The following TMEM68 variants were observed in gnomAD, a reference collection of about 807,000 sequenced individuals.
The protein encoded by TMEM68 is DGAT1/2-independent enzyme synthesizing storage lipids.
Under a neutral mutation model 36.9 loss-of-function variants are expected in TMEM68, and 25 were observed. That is an observed-to-expected ratio of 0.68 (90% CI 0.49 to 0.95). TMEM68 has a LOEUF of 0.95. Ranked by LOEUF, TMEM68 falls within the 40% of genes least tolerant of loss-of-function variation. The probability of loss-of-function intolerance (pLI) is 0.00; values close to 1 mark genes in which losing one functional copy is unlikely to be tolerated. For synonymous variants in TMEM68, 131 were observed against 124.4 expected (o/e 1.05, Z -0.35); for missense variants, 333 against 392.0 (o/e 0.85, Z 1.27).
rs947298220 is a variant in TMEM68 at position 55,750,879 on chromosome 8, T to G, written c.687+85A>C. The G allele has an allele frequency of 6.6e-6, 9 of 1,355,250 alleles. No homozygotes were observed. In the African/African-American group the frequency reaches 1.3e-4, roughly 20 times the overall value. The allele number at this position is 1,355,250 out of a possible 1,614,324, so 84.0% of individuals were successfully genotyped here. On this transcript the variant is annotated intron_variant, in intron 5 of 7. Transcript: ENST00000434581. ...AGGTATTGCAGCGAAAGTGTCTAAG[T>G]TCTTATACAATTTGGCTCATTACTT...
At chr8:55,769,214 T>C (rs962014453) in intron 1 of TMEM68, among the ~76,000 whole-genome samples, 2 of 147,150 alleles carry the variant, frequency 1.4e-5, no homozygotes, top group African/African-American at 2.5e-5. Flanking sequence ...TCTCAGCTAC[T>C]TGGGAGGCTG....
intron 4 of TMEM68, among the ~76,000 whole-genome samples, chr8:55,754,466 T>TATATATATACAC (rs1346601089): frequency 1.7e-5 from 2 of 118,958 alleles, no homozygotes; most frequent in African/African-American, 7.2e-5. Flanking sequence ...TATATATATA[T>TATATATATACAC]ACACACACAC....
rs113405810 is a variant in TMEM68, at chr8:55,771,628, A to G, written c.-115+1641T>C. On this transcript the variant is annotated intron_variant, in intron 1 of 7. Coordinates refer to ENST00000434581, the MANE Select transcript of TMEM68 (RefSeq NM_001286657.2). ...CAAGATCCTGTCTCAAAAAAAATAA[A>G]TAAATAAATAAATAAAGTATATCTA... is the stretch of plus-strand genomic sequence containing the variant. Among the ~76,000 whole-genome samples, 245 of 152,322 alleles carry G rather than the reference A, an allele frequency of 1.6e-3. 4 individuals are homozygous for G. The highest frequency in any genetic ancestry group is 5.6e-3 in the African/African-American group (233 of 41,574).
At chr8:55,768,483 G>T (rs1455587876) in intron 1 of TMEM68, among the ~76,000 whole-genome samples, 1 of 152,024 alleles carries the variant, frequency 6.6e-6, no homozygotes, top group Non-Finnish European at 1.5e-5. Flanking sequence ...GGGAGACTGA[G>T]GCAAGAGGAT....
chr8:55,750,924 G>T lies in TMEM68; in HGVS notation c.687+40C>A. On this transcript the variant is annotated intron_variant, in intron 5 of 7. Transcript: ENST00000434581. ...TTACTTAACCATTTATTTTAAATTT[G>T]ACTAAGCTTTACTTCAATAATTAAT... is the stretch of plus-strand genomic sequence containing the variant. The T allele has an allele frequency of 1.9e-6, 3 of 1,567,916 alleles. No homozygotes were observed. The South Asian group carries it at 3.6e-5, about 19-fold the overall frequency.
chr8:55,758,474 A>G (rs559830381), intron 3 of TMEM68, among the ~76,000 whole-genome samples: 1 of 152,374 alleles, frequency 6.6e-6, no homozygotes, highest in East Asian at 1.9e-4. Context: ...TAACACACCC[A>G]AATGTTGAAA....
intron 4 of TMEM68, among the ~76,000 whole-genome samples, chr8:55,754,361 G>A (rs1262551730): frequency 6.7e-6 from 1 of 149,110 alleles, no homozygotes; most frequent in Non-Finnish European, 1.5e-5. Flanking sequence ...TTGGGAGGCT[G>A]AGGTACGAGA....
At chr8:55,769,465 G>T (rs1015124774) in intron 1 of TMEM68, among the ~76,000 whole-genome samples, 7 of 152,060 alleles carry the variant, frequency 4.6e-5, no homozygotes, top group African/African-American at 1.7e-4. Flanking sequence ...AAGGGGACAG[G>T]ATACAATGTA....
At chr8:55,769,018 TAAAAAAAAAA>T (rs200493179) in intron 1 of TMEM68, among the ~76,000 whole-genome samples, 2 of 82,094 alleles carry the variant, frequency 2.4e-5, no homozygotes, top group African/African-American at 5.0e-5. Flanking sequence ...ACTCTGTCTT[TAAAAAAAAAA>T]AAAAAAAAAA....
At chr8:55,742,491 C>T (rs1474841890) in intron 7 of TMEM68, among the ~76,000 whole-genome samples, 1 of 152,048 alleles carries the variant, frequency 6.6e-6, no homozygotes, top group Admixed American at 6.6e-5. Context: ...ATAAATCAGA[C>T]TATATATATA....
intron 1 of TMEM68, among the ~76,000 whole-genome samples, chr8:55,769,168 C>A (rs926213486): frequency 2.7e-5 from 4 of 150,606 alleles, no homozygotes; most frequent in Non-Finnish European, 5.9e-5. Flanking sequence ...ACTAAAAACA[C>A]AAAAATTAGC....
chr8:55,761,558 T>G (rs1810793878), intron 3 of TMEM68: 1 of 152,238 alleles, frequency 6.6e-6, no homozygotes, highest in Non-Finnish European at 1.5e-5. Context: ...AATAACAACC[T>G]CTCTGTGCCT....
At chr8:55,751,460 G>T in intron 4 of TMEM68, 1 of 424,882 alleles carries the variant, frequency 2.4e-6, no homozygotes, top group Non-Finnish European at 4.4e-6. Context: ...CTAAGAAGTG[G>T]CAGGGCAGAG....
At chr8:55,760,372 G>GA (rs921185495) in intron 3 of TMEM68, among the ~76,000 whole-genome samples, 1 of 151,964 alleles carries the variant, frequency 6.6e-6, no homozygotes, top group African/African-American at 2.4e-5. Context: ...CTGGCAAAAA[G>GA]AAAAAAGTGA....
chr8:55,759,913 C>A (rs1810731745), intron 3 of TMEM68, among the ~76,000 whole-genome samples: 1 of 152,210 alleles, frequency 6.6e-6, no homozygotes, highest in African/African-American at 2.4e-5. Flanking sequence ...GCCATCCCTG[C>A]CCCTTCCTTC....
intron 1 of TMEM68, among the ~76,000 whole-genome samples, chr8:55,769,033 A>AAAAAAAAAAAAAAAC (rs1811067229): frequency 6.8e-6 from 1 of 147,748 alleles, no homozygotes; most frequent in Non-Finnish European, 1.5e-5. Context: ...AAAAAAAAAA[A>AAAAAAAAAAAAAAAC]AAAAAAAAGG....
chr8:55,768,584 C>T (rs1811048320), intron 1 of TMEM68, among the ~76,000 whole-genome samples: 1 of 152,064 alleles, frequency 6.6e-6, no homozygotes, highest in African/African-American at 2.4e-5. Flanking sequence ...GTGGCTCACA[C>T]CTGTAATCCC....
intron 1 of TMEM68, among the ~76,000 whole-genome samples, chr8:55,769,018 T>TAAAAAAAAAAAAAAAAAAAAAAAAAAAA (rs200493179): frequency 1.2e-5 from 1 of 82,090 alleles, no homozygotes; most frequent in African/African-American, 5.0e-5. Flanking sequence ...ACTCTGTCTT[T>TAAAAAAAAAAAAAAAAAAAAAAAAAAAA]AAAAAAAAAA....
At chr8:55,741,903 T>C (rs1234040142) in intron 7 of TMEM68, among the ~76,000 whole-genome samples, 3 of 151,980 alleles carry the variant, frequency 2.0e-5, no homozygotes, top group East Asian at 3.9e-4. Flanking sequence ...TTGTACCAAG[T>C]AAAAAAGTAC....
Sources: gnomAD v4.1 joint callset for allele counts (sites outside exome capture counted in the v4.1 genomes callset) on GRCh38, gnomAD v4.1.1 for gene constraint, MANE v1.5 for transcripts, NCBI Gene and HGNC (gene_info 2026-07-23, HGNC 2026-07-21) for gene names.